Variants in CFAP54 observed in about 807,000 individuals in gnomAD.
CFAP54 encodes cilia and flagella associated protein 54, also known as cilia- and flagella-associated protein 54.
CFAP54 carries 290 observed loss-of-function variants against 370.4 expected under a neutral mutation model. The ratio of observed to expected loss-of-function variants is 0.78; its 90% confidence interval spans 0.71 to 0.86. CFAP54 has a LOEUF of 0.86. Among genes scored for constraint, CFAP54 ranks in the 40% least tolerant of loss-of-function variants. CFAP54 has a pLI of 0.00. For missense variants in CFAP54, 3,399 were observed against 3,528.7 expected (o/e 0.96, Z 0.93); for synonymous variants, 1,206 against 1,236.5 (o/e 0.98, Z 0.52).
At chr12:96,807,244 C>T (rs1262565007) in intron 63 of CFAP54, among the ~76,000 whole-genome samples, 1 of 152,182 alleles carries the variant, frequency 6.6e-6, no homozygotes, top group Non-Finnish European at 1.5e-5. Flanking sequence ...TGCTGCAACT[C>T]ATTAGTGACA....
rs185665117 is a variant in CFAP54, at chr12:96,655,029, G to C, written c.5101-2853G>C. ...AAGCAAATGCAAAAAAATGTGAATGGCCAAAAAAATTTTTTTTTAAAAGAA... is the reference window on the plus strand; with the variant it reads ...AAGCAAATGCAAAAAAATGTGAATGCCCAAAAAAATTTTTTTTTAAAAGAA... On this transcript the variant is annotated intron_variant, in intron 36 of 67. Transcript: ENST00000524981. Among the ~76,000 whole-genome samples, 1,277 of 139,324 alleles carry C rather than the reference G, an allele frequency of 9.2e-3. 53 individuals carry two copies. In the East Asian group the frequency reaches 0.13, roughly 14 times the overall value. 91.4% of individuals were successfully genotyped at this position (139,324 alleles called of 152,430 possible). A position where few individuals can be genotyped will look rare whatever the true frequency, so the allele number is the denominator to read the frequency against.
chr12:96,860,805 A>G lies in CFAP54; in HGVS notation c.9172-14A>G, dbSNP rs1214738141. On this transcript the variant is annotated splice_polypyrimidine_tract_variant and intron_variant, in intron 66 of 67. Coordinates refer to ENST00000524981, the MANE Select transcript of CFAP54 (RefSeq NM_001306084.2). Reference sequence around the variant, plus strand: ...AACAATGCATTTCATGAACACTTTTATGTTTTTCCTCAGGTCCCATTTGAT... The same window carrying G: ...AACAATGCATTTCATGAACACTTTTGTGTTTTTCCTCAGGTCCCATTTGAT... 2 of 1,519,182 alleles carry G rather than the reference A, an allele frequency of 1.3e-6. No individual in the cohort carries two copies. Among genetic ancestry groups the G allele is most frequent in the African/African-American group, 1.4e-5 (1 of 72,130 alleles). 94.1% of individuals were successfully genotyped at this position (1,519,182 alleles called of 1,614,324 possible).
intron 40 of CFAP54, among the ~76,000 whole-genome samples, chr12:96,681,841 C>T (rs924649157): frequency 2.0e-5 from 3 of 152,042 alleles, no homozygotes; most frequent in African/African-American, 7.2e-5. Context: ...TCAGGTGATC[C>T]ACCCGCCTCT....
intron 32 of CFAP54, among the ~76,000 whole-genome samples, chr12:96,639,855 A>G (rs1449613209): frequency 6.6e-6 from 1 of 152,250 alleles, no homozygotes; most frequent in Non-Finnish European, 1.5e-5. Context: ...TAGATGCAGA[A>G]AAGGCCTTTG....
At chr12:96,739,020 A>G (rs934638863) in intron 50 of CFAP54, among the ~76,000 whole-genome samples, 2 of 152,214 alleles carry the variant, frequency 1.3e-5, no homozygotes, top group Non-Finnish European at 2.9e-5. Flanking sequence ...GTAAGGTCAC[A>G]TTTTGAGGTA....
At chr12:96,575,057 C>T (rs1200901553) in intron 19 of CFAP54, among the ~76,000 whole-genome samples, 1 of 151,988 alleles carries the variant, frequency 6.6e-6, no homozygotes, top group Non-Finnish European at 1.5e-5. Context: ...ATTATTATTT[C>T]TGTGTTTAGG....
At chr12:96,737,399 GA>G (rs1006734501) in intron 50 of CFAP54, among the ~76,000 whole-genome samples, 2 of 150,482 alleles carry the variant, frequency 1.3e-5, no homozygotes, top group Non-Finnish European at 1.5e-5. Flanking sequence ...AGATTGTGGG[GA>G]AAAAAAGGAG....
rs544291926 is a variant in CFAP54, at chr12:96,656,573, G to A, written c.5101-1309G>A. On this transcript the variant is annotated intron_variant, in intron 36 of 67. Transcript: ENST00000524981. ...ATTTTGTATTTTTAGTAGAGACAGG[G>A]TTTCTCCATGTTGGTCAGGCTGGTC... Among the ~76,000 whole-genome samples, 123 of 152,292 alleles carry A rather than the reference G, an allele frequency of 8.1e-4. 1 individual carries two copies. The highest frequency in any genetic ancestry group is 2.6e-3 in the African/African-American group (107 of 41,564).
chr12:96,650,203 C>T, intron 35 of CFAP54, 131 bp downstream of exon 35: 2 of 773,960 alleles, frequency 2.6e-6, no homozygotes, highest in Non-Finnish European at 4.1e-6. Flanking sequence ...TCTCATCTTG[C>T]TGGGTGTATC....
At chr12:96,618,757 CTT>C (rs911377878) in intron 26 of CFAP54, among the ~76,000 whole-genome samples, 1 of 152,212 alleles carries the variant, frequency 6.6e-6, no homozygotes, top group African/African-American at 2.4e-5. Context: ...AATTTTCTCT[CTT>C]AGCACACACC....
chr12:96,781,294 T>G (rs1958578075), intron 60 of CFAP54, among the ~76,000 whole-genome samples: 1 of 152,144 alleles, frequency 6.6e-6, no homozygotes, highest in Admixed American at 6.5e-5. Flanking sequence ...AAAATATTCT[T>G]TACGAATTCA....
chr12:96,703,533 C>CT (rs1305932451), intron 46 of CFAP54, among the ~76,000 whole-genome samples: 3 of 152,024 alleles, frequency 2.0e-5, no homozygotes, highest in Non-Finnish European at 4.4e-5. Context: ...CAATGGGAAT[C>CT]TTTTAAAAAG....
Position 96,644,392 on chromosome 12 carries a change from T to G in CFAP54, c.4531T>G (p.Ser1511Ala). ...WECTKMKFGT[S>A]HMMVSFRSCD... The stretch of plus-strand genomic sequence containing the variant: ...GTGTACGAAGATGAAATTTGGCACA[T>G]CACATATGATGGTCAGGTATAGTAT... Residue 1511 changes from serine (S) to alanine (A), a missense_variant, in exon 33 of 68, where the codon TCA becomes GCA. By Grantham distance (99) the Ser-to-Ala change is moderately conservative (BLOSUM62 1). This residue lies in a region of CFAP54 where 2,796 missense variants were observed against 2,869.7 expected (regional missense o/e 0.97). Transcript: ENST00000524981. The G allele has an allele frequency of 6.5e-7, 1 of 1,533,568 alleles. No homozygotes were observed. The highest frequency in any genetic ancestry group is 8.7e-7 in the Non-Finnish European group (1 of 1,144,598). The allele number at this position is 1,533,568 out of a possible 1,614,324, so 95.0% of individuals were successfully genotyped here. A position where few individuals can be genotyped will look rare whatever the true frequency, so the allele number is the denominator to read the frequency against.
At chr12:96,841,057 C>G (rs1336387080) in intron 66 of CFAP54, among the ~76,000 whole-genome samples, 2 of 152,184 alleles carry the variant, frequency 1.3e-5, no homozygotes, top group Non-Finnish European at 2.9e-5. Flanking sequence ...GAACCTGAAG[C>G]CTTTGTGTTA....
At chr12:96,706,205 A>G (rs1159646669) in intron 47 of CFAP54, among the ~76,000 whole-genome samples, 2 of 152,220 alleles carry the variant, frequency 1.3e-5, no homozygotes, top group African/African-American at 4.8e-5. Context: ...AAGTAAATAT[A>G]TTATAAATAT....
At position 96,743,515 on chromosome 12, in the gene CFAP54, C is replaced by G. The variant is rs1958075675; in HGVS notation, c.7333C>G (p.Leu2445Val). 3 of 1,613,990 alleles carry G rather than the reference C, an allele frequency of 1.9e-6. No individual in the cohort carries two copies. Among genetic ancestry groups the G allele is most frequent in the Non-Finnish European group, 1.7e-6 (2 of 1,179,964 alleles). ...CTTGACGCAAGCTGTAATTCTTGGC[C>G]TACAAGAAAAGCATTTAAAGGCAGA... is the stretch of plus-strand genomic sequence containing the variant. Reference protein sequence around the residue: ...EFLTQAVILGLQEKHLKADIM... With the variant: ...EFLTQAVILGVQEKHLKADIM... Residue 2445 changes from leucine to valine, a missense_variant, in exon 53 of 68, where the codon CTA becomes GTA. Coordinates refer to ENST00000524981, the MANE Select transcript of CFAP54 (RefSeq NM_001306084.2).
At position 96,533,852 on chromosome 12, in the gene CFAP54, T is replaced by C. The variant is rs1381655766; in HGVS notation, c.1418T>C (p.Met473Thr). ...CCAAAAACATCTCTTCTGGAACTTA[T>C]GATAGGAAGAAAAGATGTTATTTCT... ...DFPKTSLLELMIGRKDVISVD... is the reference protein window; with the variant it reads ...DFPKTSLLELTIGRKDVISVD... Residue 473 changes from methionine (M) to threonine (T), a missense_variant, in exon 10 of 68, where the codon ATG becomes ACG. Transcript: ENST00000524981. 9.8e-6 allele frequency: 15 copies of C among 1,534,884 alleles called. No individual in the cohort carries two copies. The highest frequency in any genetic ancestry group is 1.2e-5 in the South Asian group (1 of 83,672).
intron 15 of CFAP54, among the ~76,000 whole-genome samples, chr12:96,550,495 T>A (rs1271978863): frequency 6.6e-6 from 1 of 152,124 alleles, no homozygotes; most frequent in Non-Finnish European, 1.5e-5. Context: ...GAGAATTGCT[T>A]GAACCTGGGA....
intron 26 of CFAP54, among the ~76,000 whole-genome samples, chr12:96,600,783 T>C (rs1188181326): frequency 1.3e-5 from 2 of 152,224 alleles, no homozygotes; most frequent in African/African-American, 4.8e-5. Flanking sequence ...TGTATAGGAA[T>C]GCTTGTGATT....
Sources: gnomAD v4.1 joint callset for allele counts (sites outside exome capture counted in the v4.1 genomes callset) on GRCh38, gnomAD v4.1.1 for gene constraint, gnomAD v4.1.1 regional missense constraint, MANE v1.5 for transcripts, NCBI Gene and HGNC (gene_info 2026-07-23, HGNC 2026-07-21) for gene names.